The following DAB1 variants were observed in gnomAD, a reference collection of about 807,000 sequenced individuals.
DAB1 encodes disabled homolog 1.
In DAB1, 15 loss-of-function variants were observed where a neutral mutation model predicts 64.6. That is an observed-to-expected ratio of 0.23 (90% CI 0.16 to 0.36). The LOEUF (loss-of-function observed/expected upper bound fraction) is 0.36, where lower values mean the gene tolerates loss of function less well. DAB1 is among the 10% of genes least tolerant of loss of function. The pLI is 1.00. For missense variants in DAB1, 596 were observed against 706.7 expected (o/e 0.84, Z 1.78); for synonymous variants, 235 against 251.9 (o/e 0.93, Z 0.64).
At chr1:57,218,515 TAAAAAA>T (rs776398255) in intron 2 of DAB1, among the ~76,000 whole-genome samples, 2 of 71,440 alleles carry the variant, frequency 2.8e-5, no homozygotes, top group African/African-American at 1.5e-4. Context: ...CCCCCATCTC[TAAAAAA>T]AAAAAAAAAA....
In DAB1 at chr1:56,994,787, C is replaced by A. The variant is rs1163525644; in HGVS notation, c.*3357G>T. On this transcript the variant is annotated 3_prime_UTR_variant, in exon 15 of 15. Transcript: ENST00000371236. The stretch of plus-strand genomic sequence containing the variant: ...TAAAGCCAGGCTAAAGTGTTGTTCT[C>A]AAACATGTTTATTTGTAACAGTTTT... 1 of 152,144 alleles carries A rather than the reference C, an allele frequency of 6.6e-6. No homozygotes were observed. The highest frequency in any genetic ancestry group is 2.4e-5 in the African/African-American group (1 of 41,430). The allele number at this position is 152,144 out of a possible 1,614,324, so 9.4% of individuals were successfully genotyped here.
At chr1:57,743,485 T>C (rs3118044) in intron 6 of DAB1, among the ~76,000 whole-genome samples, 12,010 of 152,280 alleles carry the variant, frequency 0.079, 1,353 homozygotes, top group African/African-American at 0.25. Context: ...TCAGCTCGCC[T>C]GCACCCAGGT....
At chr1:58,180,516 A>C (rs1011632334) in intron 4 of DAB1, among the ~76,000 whole-genome samples, 2 of 151,768 alleles carry the variant, frequency 1.3e-5, no homozygotes, top group African/African-American at 4.8e-5. Flanking sequence ...GCTGGTCTCA[A>C]ACTTCTGAGC....
rs908005129 is a variant in DAB1, at chr1:57,479,089, CA to C, written n.625+170502del. ...CACATGCATTTATTCAATGATATTACAAAAAAAAAACTTTTCTTTTTATAAA... is the reference window on the plus strand; with the variant it reads ...CACATGCATTTATTCAATGATATTACAAAAAAAAACTTTTCTTTTTATAAA... On this transcript the variant is annotated intron_variant and non_coding_transcript_variant, in intron 7 of 20. Transcript: ENST00000485760. 7.2e-3 allele frequency among the ~76,000 whole-genome samples: 1,059 copies of C among 146,344 alleles called. 10 individuals are homozygous for C. The highest frequency in any genetic ancestry group is 0.023 in the African/African-American group (917 of 39,994).
intron 3 of DAB1, among the ~76,000 whole-genome samples, chr1:58,419,548 A>G (rs1197668785): frequency 6.6e-6 from 1 of 152,122 alleles, no homozygotes; most frequent in Non-Finnish European, 1.5e-5. Context: ...CTCTATTCCC[A>G]ACTCTTCCCT....
intron 2 of DAB1, among the ~76,000 whole-genome samples, chr1:57,290,313 T>A (rs1464916320): frequency 6.6e-6 from 1 of 152,116 alleles, no homozygotes. Context: ...CAGTGGTTCT[T>A]AAAGTAGGGT....
intron 1 of DAB1, among the ~76,000 whole-genome samples, chr1:57,324,630 A>G (rs2100775924): frequency 6.6e-6 from 1 of 152,248 alleles, no homozygotes; most frequent in African/African-American, 2.4e-5. Flanking sequence ...CAAAACCCTC[A>G]ATGTGGTGGC....
At chr1:58,534,167 G>A (rs778269933) in intron 1 of DAB1, 23 of 870,926 alleles carry the variant, frequency 2.6e-5, no homozygotes, top group African/African-American at 4.9e-5. Context: ...CTGGAAGCAC[G>A]AAGGCATTAA....
At chr1:57,489,599 C>G (rs1490307311) in intron 7 of DAB1, among the ~76,000 whole-genome samples, 2 of 152,190 alleles carry the variant, frequency 1.3e-5, no homozygotes, top group Non-Finnish European at 2.9e-5. Flanking sequence ...ACTTCCAGCC[C>G]TTATGTCTAA....
intron 6 of DAB1, among the ~76,000 whole-genome samples, chr1:57,750,771 C>G (rs913223898): frequency 6.6e-6 from 1 of 152,114 alleles, no homozygotes; most frequent in Admixed American, 6.5e-5. Context: ...GCCTCTCTTA[C>G]CCGCTGTGAG....
intron 8 of DAB1, 43 bp downstream of exon 8, chr1:57,069,317 A>G (rs761438769): frequency 2.1e-6 from 3 of 1,441,118 alleles, no homozygotes; most frequent in South Asian, 2.3e-5. Context: ...TTATGCATGT[A>G]CTAGTAGTGG....
intron 2 of DAB1, among the ~76,000 whole-genome samples, chr1:57,166,796 C>T (rs1344493039): frequency 6.6e-6 from 1 of 152,126 alleles, no homozygotes; most frequent in African/African-American, 2.4e-5. Flanking sequence ...TATTGGGCAC[C>T]CATCATAAGT....
intron 4 of DAB1, among the ~76,000 whole-genome samples, chr1:57,132,505 C>G (rs1032509067): frequency 6.6e-6 from 1 of 152,066 alleles, no homozygotes; most frequent in Non-Finnish European, 1.5e-5. Context: ...AAATCTGAAA[C>G]CTAAAATTCT....
At chr1:57,059,818 G>A (rs1650198140) in intron 9 of DAB1, among the ~76,000 whole-genome samples, 1 of 152,166 alleles carries the variant, frequency 6.6e-6, no homozygotes, top group South Asian at 2.1e-4. Flanking sequence ...GAGGAGCTCA[G>A]ATTCCAACTG....
At chr1:57,818,624 G>A (rs1173538275) in intron 6 of DAB1, among the ~76,000 whole-genome samples, 3 of 151,860 alleles carry the variant, frequency 2.0e-5, no homozygotes, top group South Asian at 2.1e-4. Context: ...GAAACCCTAC[G>A]CATTAGGTTC....
At chr1:58,538,947 GA>G (rs1406983883) in intron 1 of DAB1, 1 of 872,864 alleles carries the variant, frequency 1.1e-6, no homozygotes, top group Admixed American at 1.7e-5. Context: ...ACAGACTAGG[GA>G]CTGCTGTAAC....
rs776398255 is a variant in DAB1 at position 57,218,515 on chromosome 1, T to TAAAA, written c.67+72445_67+72448dup. 3.8e-3 allele frequency among the ~76,000 whole-genome samples: 270 copies of TAAAA among 71,434 alleles called. 12 individuals are homozygous for TAAAA. The highest frequency in any genetic ancestry group is 0.029 in the East Asian group (49 of 1,706). The allele number at this position is 71,434 out of a possible 152,430, so 46.9% of individuals were successfully genotyped here. A position where few individuals can be genotyped will look rare whatever the true frequency, so the allele number is the denominator to read the frequency against. On this transcript the variant is annotated intron_variant, in intron 2 of 14. Coordinates refer to ENST00000371236, the MANE Select transcript of DAB1 (RefSeq NM_001365792.1). ...AGCAACATAGTGAGACCCCCATCTCTAAAAAAAAAAAAAAAAAAAAAAAAA... is the reference window on the plus strand; with the variant it reads ...AGCAACATAGTGAGACCCCCATCTCTAAAAAAAAAAAAAAAAAAAAAAAAAAAAA...
chr1:58,210,452 C>A (rs1658499284), intron 4 of DAB1, among the ~76,000 whole-genome samples: 1 of 152,138 alleles, frequency 6.6e-6, no homozygotes, highest in Non-Finnish European at 1.5e-5. Context: ...ACTTTATTCT[C>A]CCCACCTACC....
chr1:57,421,968 G>A (rs1570496090), intron 1 of DAB1, among the ~76,000 whole-genome samples: 1 of 145,356 alleles, frequency 6.9e-6, no homozygotes, highest in Admixed American at 7.0e-5. Flanking sequence ...ATCTATCTTA[G>A]TGCCTGCGCA....
Sources: gnomAD v4.1 joint callset for allele counts (sites outside exome capture counted in the v4.1 genomes callset) on GRCh38, gnomAD v4.1.1 for gene constraint, MANE v1.5 for transcripts, NCBI Gene and HGNC (gene_info 2026-07-23, HGNC 2026-07-21) for gene names.